The following PTPN12 variants were observed in gnomAD, a reference collection of about 807,000 sequenced individuals.
The protein encoded by PTPN12 is tyrosine-protein phosphatase non-receptor type 12.
PTPN12 carries 29 observed loss-of-function variants against 97.6 expected under a neutral mutation model. The observed-to-expected ratio is 0.30, with a 90% confidence interval of 0.22 to 0.41. PTPN12 has a LOEUF of 0.41. PTPN12 is among the 10% of genes least tolerant of loss of function. PTPN12 has a pLI of 1.00. For synonymous variants in PTPN12, 327 were observed against 300.4 expected (o/e 1.09, Z -0.91); for missense variants, 819 against 926.0 (o/e 0.88, Z 1.50).
intron 12 of PTPN12, among the ~76,000 whole-genome samples, chr7:77,624,123 C>T (rs1372627804): frequency 1.3e-5 from 2 of 151,984 alleles, no homozygotes; most frequent in East Asian, 3.9e-4. Context: ...AAAACTTAGC[C>T]AGGTGTGGTA....
chr7:77,639,554 GAT>G lies in PTPN12; in HGVS notation c.*279_*280del, dbSNP rs1584234663. The G allele has an allele frequency of 2.9e-6, 1 of 339,856 alleles. No individual in the cohort carries two copies. Among genetic ancestry groups the G allele is most frequent in the Non-Finnish European group, 5.3e-6 (1 of 188,054 alleles). The allele number at this position is 339,856 out of a possible 1,614,324, so 21.1% of individuals were successfully genotyped here. A position where few individuals can be genotyped will look rare whatever the true frequency, so the allele number is the denominator to read the frequency against. The stretch of plus-strand genomic sequence containing the variant: ...CATGTTAATATAGTAATACCTTTAT[GAT>G]ATATTGAGTTTAAGGACTACTCTTT... On this transcript the variant is annotated 3_prime_UTR_variant, in exon 18 of 18. Transcript: ENST00000248594.
intron 8 of PTPN12, among the ~76,000 whole-genome samples, chr7:77,605,415 T>TTTTG (rs1562743329): frequency 8.1e-6 from 1 of 123,432 alleles, no homozygotes; most frequent in African/African-American, 3.1e-5. Flanking sequence ...ATGAGTTTTT[T>TTTTG]TTTTTTTTTT....
At chr7:77,605,405 A>T (rs1788327287) in intron 8 of PTPN12, among the ~76,000 whole-genome samples, 1 of 87,606 alleles carries the variant, frequency 1.1e-5, no homozygotes, top group African/African-American at 4.5e-5. Context: ...TACTTTTGTC[A>T]TGAGTTTTTT....
rs1462822206 is a variant in PTPN12, at chr7:77,626,811, A to G, written c.1132A>G (p.Thr378Ala). The G allele has an allele frequency of 6.2e-7, 1 of 1,614,002 alleles. No homozygotes were observed. Among genetic ancestry groups the G allele is most frequent in the African/African-American group, 1.3e-5 (1 of 75,018 alleles). Residue 378 changes from threonine to alanine, a missense_variant, in exon 13 of 18, where the codon ACT becomes GCT. Around this residue, in one of 5 missense-constraint regions of PTPN12, gnomAD observed 607 missense variants for 577.3 expected, o/e 1.05. Transcript: ENST00000248594. The part of the protein sequence containing the change: ...PSPPSAFPTV[T>A]TVWQDNDRYH... ...TCCCCCTTCAGCTTTTCCAACAGTC[A>G]CTACTGTGTGGCAGGACAATGATAG...
At chr7:77,592,068 T>G in intron 5 of PTPN12, 117 bp from the exon 6 acceptor site, 2 of 820,416 alleles carry the variant, frequency 2.4e-6, no homozygotes, top group African/African-American at 1.8e-5. Flanking sequence ...CCTGCTAATG[T>G]GGGTTTTTCT....
intron 1 of PTPN12, among the ~76,000 whole-genome samples, chr7:77,564,386 G>A (rs930279270): frequency 6.6e-6 from 1 of 152,018 alleles, no homozygotes; most frequent in Admixed American, 6.6e-5. Context: ...AAGATGGTGT[G>A]GTTTTTCTTA....
chr7:77,637,746 A>G (rs1208776797), intron 16 of PTPN12, among the ~76,000 whole-genome samples: 1 of 150,004 alleles, frequency 6.7e-6, no homozygotes, highest in Non-Finnish European at 1.5e-5. Context: ...AATCCCAGCT[A>G]CTAGGGAGAC....
intron 13 of PTPN12, among the ~76,000 whole-genome samples, chr7:77,632,026 C>T (rs994295958): frequency 2.0e-5 from 3 of 152,186 alleles, no homozygotes; most frequent in African/African-American, 7.2e-5. Flanking sequence ...TTTTTGGACA[C>T]AAAACATCAT....
chr7:77,617,364 C>G (rs1052300971), intron 11 of PTPN12, among the ~76,000 whole-genome samples: 3 of 152,128 alleles, frequency 2.0e-5, no homozygotes, highest in African/African-American at 7.2e-5. Context: ...TATGACATAA[C>G]TCTGTTGTTC....
intron 11 of PTPN12, among the ~76,000 whole-genome samples, chr7:77,613,766 TG>T (rs1788655468): frequency 6.6e-6 from 1 of 151,948 alleles, no homozygotes; most frequent in South Asian, 2.1e-4. Flanking sequence ...TTTATAGAGA[TG>T]AGGTTTTACT....
chr7:77,610,985 T>A lies in PTPN12; in HGVS notation c.878T>A (p.Leu293Gln). 1 of 1,613,500 alleles carries A rather than the reference T, an allele frequency of 6.2e-7. No individual in the cohort carries two copies. The highest frequency in any genetic ancestry group is 8.5e-7 in the Non-Finnish European group (1 of 1,179,732). Residue 293 changes from leucine (L) to glutamine (Q), a missense_variant, in exon 11 of 18, where the codon CTG becomes CAG. By Grantham distance (113) the Leu-to-Gln change is moderately radical. This residue lies in a region of PTPN12 where 607 missense variants were observed against 577.3 expected (regional missense o/e 1.05). Transcript: ENST00000248594. Reference sequence around the variant, plus strand: ...CTTGTTCATAGAGCTATTGCCCAACTGTTTGAAAAACAGCTACAACTATAT... The same window carrying A: ...CTTGTTCATAGAGCTATTGCCCAACAGTTTGAAAAACAGCTACAACTATAT... ...YELVHRAIAQ[L>Q]FEKQLQLYEI...
chr7:77,545,906 T>TC (rs1387171464), intron 1 of PTPN12: 4 of 152,102 alleles, frequency 2.6e-5, no homozygotes, highest in African/African-American at 9.7e-5. Flanking sequence ...ACATACTTTT[T>TC]CCCTCAGAAA....
At chr7:77,558,334 T>G (rs1191902986) in intron 1 of PTPN12, among the ~76,000 whole-genome samples, 2 of 152,138 alleles carry the variant, frequency 1.3e-5, no homozygotes, top group Non-Finnish European at 2.9e-5. Context: ...TGGAAGGCAG[T>G]TTGGCCACTT....
At chr7:77,571,237 T>TC in intron 2 of PTPN12, 51 bp downstream of exon 2, 1 of 1,120,654 alleles carries the variant, frequency 8.9e-7, no homozygotes. Context: ...AATTAGCCTT[T>TC]TGTAACCTAA....
chr7:77,543,485 T>C (rs536800482), intron 1 of PTPN12, among the ~76,000 whole-genome samples: 1 of 152,234 alleles, frequency 6.6e-6, no homozygotes, highest in South Asian at 2.1e-4. Flanking sequence ...GTTTATTCAG[T>C]GTTGTAGCTT....
chr7:77,567,743 G>A (rs1808320613), intron 1 of PTPN12, among the ~76,000 whole-genome samples: 1 of 152,164 alleles, frequency 6.6e-6, no homozygotes, highest in African/African-American at 2.4e-5. Flanking sequence ...TTTGATCTAG[G>A]AAAGGTTTTA....
At chr7:77,556,960 GTTTGTTTGTT>G (rs1404535930) in intron 1 of PTPN12, among the ~76,000 whole-genome samples, 3 of 149,390 alleles carry the variant, frequency 2.0e-5, no homozygotes, top group Non-Finnish European at 4.5e-5. Context: ...GTTTTTGTTT[GTTTGTTTGTT>G]TTTGTTTGTT....
At chr7:77,632,033 T>A (rs76986436) in intron 13 of PTPN12, among the ~76,000 whole-genome samples, 2,427 of 152,318 alleles carry the variant, frequency 0.016, 65 homozygotes, top group African/African-American at 0.055. Context: ...ACACAAAACA[T>A]CATCAGTAAG....
At chr7:77,625,966 C>T (rs966833693) in intron 12 of PTPN12, among the ~76,000 whole-genome samples, 1 of 152,100 alleles carries the variant, frequency 6.6e-6, no homozygotes, top group African/African-American at 2.4e-5. Flanking sequence ...ACCTGGGAAA[C>T]AGGAGAATCT....
Sources: allele counts gnomAD v4.1 joint callset (sites outside exome capture counted in the v4.1 genomes callset), GRCh38; gene constraint gnomAD v4.1.1; regional missense constraint gnomAD v4.1.1; transcripts MANE v1.5; gene names NCBI Gene and HGNC (gene_info 2026-07-23, HGNC 2026-07-21).